The following DMD variants were observed in gnomAD, a reference collection of about 807,000 sequenced individuals.
The protein encoded by DMD is mutant dystrophin.
A neutral mutation model predicts 330.1 loss-of-function variants in DMD; 63 were observed. That is an observed-to-expected ratio of 0.19 (90% CI 0.16 to 0.24). The LOEUF (loss-of-function observed/expected upper bound fraction) is 0.24. Among genes scored for constraint, DMD ranks in the 10% least tolerant of loss-of-function variants. The pLI is 1.00. For synonymous variants in DMD, 1,223 were observed against 959.8 expected (o/e 1.27, Z -5.07); for missense variants, 3,344 against 2,684.1 (o/e 1.25, Z -5.43).
At chrX:32,968,539 G>A (rs956775737) in intron 2 of DMD, among the ~76,000 whole-genome samples, 18 of 111,362 alleles carry the variant, frequency 1.6e-4, no homozygotes, top group African/African-American at 5.9e-4. Context: ...GTGAACAAAA[G>A]CTTTGAAAAT....
At chrX:32,517,882 G>A (rs1973455307) in intron 18 of DMD, 126 bp downstream of exon 18, 1 of 765,805 alleles carries the variant, frequency 1.3e-6, no homozygotes, top group South Asian at 2.3e-5. Context: ...ATATTTTTAA[G>A]ACATATTAAA....
chrX:31,383,081 C>T (rs1316741834), intron 60 of DMD, among the ~76,000 whole-genome samples: 1 of 110,428 alleles, frequency 9.1e-6, no homozygotes, highest in Non-Finnish European at 1.9e-5. Context: ...TGAAAATGGC[C>T]GGTCCTTGCC....
intron 63 of DMD, 85 bp downstream of exon 63, chrX:31,260,870 T>C (rs2050441593): frequency 7.9e-6 from 7 of 880,659 alleles, no homozygotes; most frequent in Admixed American, 2.4e-5. Flanking sequence ...TGTATTTATA[T>C]AGCAAGTAAC....
At chrX:32,926,975 T>C (rs1043950518) in intron 2 of DMD, among the ~76,000 whole-genome samples, 1 of 111,320 alleles carries the variant, frequency 9.0e-6, no homozygotes, top group Non-Finnish European at 1.9e-5. Context: ...TGTTATAAGA[T>C]CTAAACATGG....
rs751777671 is a variant in DMD at position 31,626,456 on chromosome X, T to G, written c.8217+1217A>C. 1.6e-4 allele frequency among the ~76,000 whole-genome samples: 18 copies of G among 112,192 alleles called. No homozygotes were observed. The South Asian group carries it at 6.6e-3, about 41-fold the overall frequency. On this transcript the variant is annotated intron_variant, in intron 55 of 78. Coordinates refer to ENST00000357033, the MANE Select transcript of DMD (RefSeq NM_004006.3). ...ACTCTACATTTGCATTGCCCTTATA[T>G]TCTATCACAAGCCATGGGAGATATC...
At chrX:32,596,670 C>T (rs1438735949) in intron 12 of DMD, among the ~76,000 whole-genome samples, 2 of 110,391 alleles carry the variant, frequency 1.8e-5, no homozygotes, top group Non-Finnish European at 3.8e-5. Flanking sequence ...CTCAGCCTCC[C>T]GAGTAGCTGA....
At chrX:31,622,653 A>T (rs1276378669) in intron 55 of DMD, among the ~76,000 whole-genome samples, 1 of 108,925 alleles carries the variant, frequency 9.2e-6, no homozygotes, top group East Asian at 2.9e-4. Flanking sequence ...CCAGGCCCTG[A>T]TCTTGGAATC....
chrX:33,089,353 C>T (rs774580834), intron 1 of DMD, among the ~76,000 whole-genome samples: 1 of 110,951 alleles, frequency 9.0e-6, no homozygotes, highest in South Asian at 3.8e-4. Context: ...CGTGAGCCAC[C>T]GTGCGGCCCT....
At chrX:31,721,734 A>ATATC (rs1556846298) in intron 52 of DMD, among the ~76,000 whole-genome samples, 1 of 92,633 alleles carries the variant, frequency 1.1e-5, no homozygotes, top group Non-Finnish European at 2.1e-5. Context: ...ATATATATAT[A>ATATC]TATATATATA....
At chrX:32,070,912 C>G (rs2096291832) in intron 44 of DMD, among the ~76,000 whole-genome samples, 1 of 111,089 alleles carries the variant, frequency 9.0e-6, no homozygotes, top group Admixed American at 9.6e-5. Flanking sequence ...CACAAATTAC[C>G]ACTAAAGAAC....
chrX:32,964,091 A>T lies in DMD; in HGVS notation c.93+56048T>A, dbSNP rs750103341. On this transcript the variant is annotated intron_variant, in intron 2 of 78. Transcript: ENST00000357033. The stretch of plus-strand genomic sequence containing the variant: ...AACATCATGGTGAAACCCCGTCTCT[A>T]CTAAAAATACAAAAATTAGCTGGGC... 7.4e-5 allele frequency among the ~76,000 whole-genome samples: 8 copies of T among 108,403 alleles called. No homozygotes were observed. In the East Asian group the frequency reaches 2.4e-3, roughly 32 times the overall value. 94.1% of individuals were successfully genotyped at this position (108,403 alleles called of 115,157 possible).
At position 32,849,980 on chromosome X, in the gene DMD, C is replaced by CA. The variant is rs369976296; in HGVS notation, c.94-161dup. ...GATGAAAAAAGGAAAGTTCAAATGA[C>CA]AAAAAAAATTTAAAAATTTTATCAT... is the stretch of plus-strand genomic sequence containing the variant. On this transcript the variant is annotated intron_variant, in intron 2 of 78. Coordinates refer to ENST00000357033, the MANE Select transcript of DMD (RefSeq NM_004006.3). Among the ~76,000 whole-genome samples the CA allele has an allele frequency of 4.8e-3, 534 of 110,793 alleles. 4 individuals carry two copies. Among genetic ancestry groups the CA allele is most frequent in the Non-Finnish European group, 8.4e-3 (444 of 52,858 alleles).
intron 43 of DMD, among the ~76,000 whole-genome samples, chrX:32,240,504 G>A (rs1414786252): frequency 9.0e-6 from 1 of 111,413 alleles, no homozygotes; most frequent in Non-Finnish European, 1.9e-5. Flanking sequence ...AGAACGGTGA[G>A]AAATAAAGGT....
At chrX:32,366,757 T>A (rs1402112569) in intron 34 of DMD, among the ~76,000 whole-genome samples, 1 of 112,216 alleles carries the variant, frequency 8.9e-6, no homozygotes, top group Non-Finnish European at 1.9e-5. Context: ...TGTTTTGGTT[T>A]TGCCTTTGGC....
At chrX:32,430,763 G>A (rs2098234960) in intron 29 of DMD, among the ~76,000 whole-genome samples, 1 of 111,064 alleles carries the variant, frequency 9.0e-6, no homozygotes, top group African/African-American at 3.3e-5. Context: ...CCTTCCATTA[G>A]TTTGACTGTA....
chrX:32,895,762 T>G (rs942901677), intron 2 of DMD, among the ~76,000 whole-genome samples: 1 of 110,885 alleles, frequency 9.0e-6, no homozygotes, highest in East Asian at 2.8e-4. Context: ...TTGAGGGTGG[T>G]AGAGAGAATT....
chrX:32,984,736 T>C (rs1423735441), intron 2 of DMD, among the ~76,000 whole-genome samples: 1 of 111,794 alleles, frequency 8.9e-6, no homozygotes, highest in Admixed American at 9.5e-5. Context: ...CCATTAGAAT[T>C]TGTAGGAGTA....
chrX:31,507,566 T>A, intron 55 of DMD, 113 bp from the exon 56 acceptor site: 12 of 761,290 alleles, frequency 1.6e-5, no homozygotes, highest in Non-Finnish European at 2.1e-5. Flanking sequence ...TCAAAAGACA[T>A]TTCAATCAGG....
intron 58 of DMD, 75 bp from the exon 59 acceptor site, chrX:31,478,449 G>A (rs17338583): frequency 8.6e-7 from 1 of 1,169,384 alleles, no homozygotes. Flanking sequence ...CATACTGGAA[G>A]AAAGAAAGAG....
Sources: allele counts gnomAD v4.1 joint callset (sites outside exome capture counted in the v4.1 genomes callset), GRCh38; gene constraint gnomAD v4.1.1; transcripts MANE v1.5; gene names NCBI Gene and HGNC (gene_info 2026-07-23, HGNC 2026-07-21).